POLR1A: variants seen among roughly 807,000 people sequenced by gnomAD.
POLR1A encodes RNA polymerase I subunit A.
POLR1A carries 84 observed loss-of-function variants against 205.3 expected under a neutral mutation model. That is an observed-to-expected ratio of 0.41 (90% confidence interval 0.34 to 0.49). The LOEUF is 0.49. Among genes scored for constraint, POLR1A ranks in the 20% least tolerant of loss-of-function variants. POLR1A has a pLI of 0.22. For missense variants in POLR1A, 1,645 were observed against 2,204.5 expected (o/e 0.75, Z 5.08); for synonymous variants, 799 against 863.7 (o/e 0.93, Z 1.31).
chr2:86,040,139 A>C (rs1672574563), intron 25 of POLR1A: 1 of 366,508 alleles, frequency 2.7e-6, no homozygotes, highest in Non-Finnish European at 4.9e-6. Context: ...GCAGTCTCAC[A>C]GGCATCCCCA....
At position 86,052,899 on chromosome 2, in the gene POLR1A, T is replaced by A. The variant is rs375544799; in HGVS notation, c.2310A>T (p.Gly770=). Residue 770 remains glycine, a synonymous_variant, in exon 16 of 34, where the codon GGA becomes GGT. Transcript: ENST00000263857. ...GLVHCCYEIY[G]GETSGKVLTC... is the part of the protein sequence containing the mutation. The stretch of plus-strand genomic sequence containing the variant: ...TTAGAACCTTGCCGCTGGTCTCGCC[T>A]CCATAGATCTCATAGCAGCAGTGGA... 1 of 1,607,990 alleles carries A rather than the reference T, an allele frequency of 6.2e-7. No individual in the cohort carries two copies. Among genetic ancestry groups the A allele is most frequent in the Non-Finnish European group, 8.5e-7 (1 of 1,177,178 alleles).
intron 14 of POLR1A, among the ~76,000 whole-genome samples, chr2:86,056,247 T>A (rs1024245411): frequency 9.9e-5 from 15 of 150,924 alleles, no homozygotes; most frequent in Non-Finnish European, 2.2e-4. Flanking sequence ...AGGTCGGGAG[T>A]TTGAGACCAA....
chr2:86,049,319 G>C, intron 16 of POLR1A, 77 bp from the exon 17 acceptor site: 4 of 973,062 alleles, frequency 4.1e-6, no homozygotes, highest in Non-Finnish European at 6.6e-6. Flanking sequence ...AGTAAGGCCA[G>C]AGCACAGAGT....
At position 86,081,274 on chromosome 2, in the gene POLR1A, T is replaced by C. The variant is rs567987883; in HGVS notation, c.924-296A>G. On this transcript the variant is annotated intron_variant, in intron 8 of 33. Transcript: ENST00000263857. Reference sequence around the variant, plus strand: ...ATTTGGGTGTGGTGGTGCGTGCCTGTAATCCCAGCTACTCAGGAGGCTGAG... The same window carrying C: ...ATTTGGGTGTGGTGGTGCGTGCCTGCAATCCCAGCTACTCAGGAGGCTGAG... Among the ~76,000 whole-genome samples, 6 of 152,224 alleles carry C rather than the reference T, an allele frequency of 3.9e-5. No homozygotes were observed. The South Asian group carries it at 1.2e-3, about 32-fold the overall frequency.
At chr2:86,063,913 G>A (rs1673044107) in intron 14 of POLR1A, among the ~76,000 whole-genome samples, 4 of 152,184 alleles carry the variant, frequency 2.6e-5, no homozygotes, top group Admixed American at 2.0e-4. Context: ...ATCTACTTCA[G>A]AATGCTTTCT....
In POLR1A at chr2:86,083,121, T is replaced by C. The variant is rs1487158076; in HGVS notation, c.778A>G (p.Ser260Gly). The C allele has an allele frequency of 1.2e-6, 2 of 1,614,046 alleles. No individual in the cohort carries two copies. Among genetic ancestry groups the C allele is most frequent in the Admixed American group, 3.3e-5 (2 of 60,000 alleles). The change falls in exon 7 of 34, where the codon AGT becomes GGT. Residue 260 changes from serine (S) to glycine (G), a missense_variant. Physicochemically the swap from Ser to Gly is moderately conservative, Grantham distance 56. Coordinates refer to ENST00000263857, the MANE Select transcript of POLR1A (RefSeq NM_015425.6). ...IGKRGYLTPT[S>G]AREHLSALWK... ...AGGGCAGAAAGGTGTTCGCGGGCAC[T>C]GGTGGGTGTTAAGTATCCTCGTTTT...
intron 3 of POLR1A, among the ~76,000 whole-genome samples, chr2:86,097,214 CAAAAAAAAAAAAAA>C (rs757210116): frequency 3.3e-4 from 13 of 39,692 alleles, no homozygotes; most frequent in African/African-American, 9.9e-4. Flanking sequence ...CCCCAAAAGA[CAAAAAAAAAAAAAA>C]AAAAAAAAAA....
intron 27 of POLR1A, among the ~76,000 whole-genome samples, chr2:86,038,078 C>T (rs1250527604): frequency 6.6e-6 from 1 of 152,248 alleles, no homozygotes; most frequent in Non-Finnish European, 1.5e-5. Context: ...AAAGCCCATC[C>T]TCCTGCTCCC....
intron 9 of POLR1A, among the ~76,000 whole-genome samples, chr2:86,079,480 G>A (rs1673356962): frequency 6.6e-6 from 1 of 152,202 alleles, no homozygotes; most frequent in East Asian, 1.9e-4. Context: ...AAGGAAAGAG[G>A]GCAGTGGGAC....
chr2:86,030,168 T>C lies in POLR1A; in HGVS notation c.4779+28A>G, dbSNP rs763327602. ...ACGTGGGGTGAGGACTAATGCTTTG[T>C]CCCAGGCCAGCAGACAGCCTGTCTT... On this transcript the variant is annotated intron_variant, in intron 31 of 33. Transcript: ENST00000263857. The C allele has an allele frequency of 1.9e-6, 3 of 1,591,804 alleles. No homozygotes were observed. The Admixed American group carries it at 5.0e-5, about 27-fold the overall frequency.
intron 11 of POLR1A, 149 bp downstream of exon 11, chr2:86,077,710 C>T (rs1006601954): frequency 2.5e-5 from 23 of 935,410 alleles, no homozygotes; most frequent in Non-Finnish European, 3.6e-5. Context: ...GAAGCTAGTT[C>T]CGCCCAAGCC....
At chr2:86,053,449 C>A (rs1672842215) in intron 15 of POLR1A, among the ~76,000 whole-genome samples, 1 of 152,178 alleles carries the variant, frequency 6.6e-6, no homozygotes. Flanking sequence ...CTAGGTACTT[C>A]CTCCCTTGAA....
At position 86,048,100 on chromosome 2, in the gene POLR1A, T is replaced by A. The variant is rs180998229; in HGVS notation, c.2634+784A>T. Among the ~76,000 whole-genome samples the A allele has an allele frequency of 1.2e-3, 183 of 152,320 alleles. 1 individual carries two copies. Among genetic ancestry groups the A allele is most frequent in the Non-Finnish European group, 1.3e-3 (87 of 68,034 alleles). ...TCGGTCTTCTCAGCAGCCTAAGGGA[T>A]GCTAAAAGCCAGGCAAGAGAGCACT... On this transcript the variant is annotated intron_variant, in intron 18 of 33. Coordinates refer to ENST00000263857, the MANE Select transcript of POLR1A (RefSeq NM_015425.6).
intron 1 of POLR1A, 47 bp downstream of exon 1, chr2:86,105,653 C>T: frequency 7.4e-7 from 1 of 1,344,948 alleles, no homozygotes; most frequent in Non-Finnish European, 1.1e-6. Flanking sequence ...GTTTAGGGCG[C>T]CGACCTCAAG....
intron 14 of POLR1A, among the ~76,000 whole-genome samples, chr2:86,063,173 T>C (rs1673026214): frequency 1.3e-5 from 2 of 151,396 alleles, no homozygotes; most frequent in Non-Finnish European, 2.9e-5. Flanking sequence ...CCATCTCTAC[T>C]AAAAATACAA....
At position 86,083,069 on chromosome 2, in the gene POLR1A, C is replaced by G; in HGVS notation, c.817+13G>C. The G allele has an allele frequency of 6.3e-7, 1 of 1,597,758 alleles. No individual in the cohort carries two copies. Among genetic ancestry groups the G allele is most frequent in the Non-Finnish European group, 8.6e-7 (1 of 1,165,086 alleles). ...GAGAAGATCAAGGCTATTTCTTTAG[C>G]CTGATACAGCACCTTCATTCTTCCA... is the stretch of plus-strand genomic sequence containing the variant. On this transcript the variant is annotated intron_variant, in intron 7 of 33. Transcript: ENST00000263857.
At chr2:86,091,833 G>A (rs1673612830) in intron 3 of POLR1A, among the ~76,000 whole-genome samples, 1 of 152,214 alleles carries the variant, frequency 6.6e-6, no homozygotes, top group East Asian at 1.9e-4. Flanking sequence ...GTAGAAATAG[G>A]CCGGGCACGG....
chr2:86,076,310 G>T (rs1481520096), intron 11 of POLR1A, among the ~76,000 whole-genome samples: 2 of 152,212 alleles, frequency 1.3e-5, no homozygotes, highest in African/African-American at 4.8e-5. Flanking sequence ...GGCTACCCCA[G>T]CCTCTGCGTT....
chr2:86,079,427 C>T (rs1324686855), intron 9 of POLR1A, among the ~76,000 whole-genome samples: 1 of 152,096 alleles, frequency 6.6e-6, no homozygotes, highest in African/African-American at 2.4e-5. Context: ...GAGGATGGAA[C>T]ACAGAGAGTA....
Sources: gnomAD v4.1 joint callset for allele counts (sites outside exome capture counted in the v4.1 genomes callset) on GRCh38, gnomAD v4.1.1 for gene constraint, MANE v1.5 for transcripts, NCBI Gene and HGNC (gene_info 2026-07-23, HGNC 2026-07-21) for gene names.